PLXNC1: variants seen among roughly 807,000 people sequenced by gnomAD.
PLXNC1 encodes plexin-C1.
Under a neutral mutation model 178.2 loss-of-function variants are expected in PLXNC1, and 75 were observed. The observed-to-expected ratio is 0.42, with a 90% CI of 0.35 to 0.51. The LOEUF (loss-of-function observed/expected upper bound fraction) is 0.51. Among genes scored for constraint, PLXNC1 ranks in the 20% least tolerant of loss-of-function variants. The pLI, the probability that PLXNC1 is intolerant of heterozygous loss-of-function variation, is 0.02. For missense variants in PLXNC1, 1,503 were observed against 1,984.4 expected, an observed-to-expected ratio of 0.76 and a Z score of 4.61; for synonymous variants, 790 against 779.9, an observed-to-expected ratio of 1.01 and a Z score of -0.22.
Position 94,169,150 on chromosome 12 carries a change from C to A in PLXNC1, c.1063-3C>A. 6.2e-7 allele frequency: 1 copy of A among 1,612,202 alleles called. No homozygotes were observed. The highest frequency in any genetic ancestry group is 1.1e-5 in the South Asian group (1 of 90,680). ...TTTTTTGTGCGTTTGTGTGCATGTT[C>A]AGAAAGAAGGGGATCAACCTGAAAG... On this transcript the variant is annotated splice_region_variant and splice_polypyrimidine_tract_variant and intron_variant, in intron 1 of 30. Transcript: ENST00000258526.
chr12:94,199,990 TCA>T (rs1369342177), intron 4 of PLXNC1, among the ~76,000 whole-genome samples: 1 of 152,208 alleles, frequency 6.6e-6, no homozygotes, highest in African/African-American at 2.4e-5. Context: ...AGATGGGGTT[TCA>T]CCATGTTGGC....
At chr12:94,156,708 C>CTTTT (rs936065811) in intron 1 of PLXNC1, among the ~76,000 whole-genome samples, 3 of 143,890 alleles carry the variant, frequency 2.1e-5, no homozygotes, top group Admixed American at 6.9e-5. Flanking sequence ...AACTTTCTTT[C>CTTTT]TTTTTTTTTT....
At chr12:94,237,531 ACT>A in intron 9 of PLXNC1, 131 bp from the exon 10 acceptor site, 1 of 673,306 alleles carries the variant, frequency 1.5e-6, no homozygotes, top group Non-Finnish European at 2.5e-6. Flanking sequence ...TTCATTAAAC[ACT>A]GTCTGCTTGT....
At position 94,259,690 on chromosome 12, in the gene PLXNC1, C is replaced by T. The variant is rs1253901717; in HGVS notation, c.3207C>T (p.Val1069=). ...LICNKSFLVT[V]IHTLEKQKNF... ...GTAATAAAAGCTTTCTTGTTACTGT[C>T]ATCCACACCCTTGAAAAGCAGAAGA... Residue 1069 remains valine, a synonymous_variant, in exon 19 of 31, where the codon GTC becomes GTT. Coordinates refer to ENST00000258526, the MANE Select transcript of PLXNC1 (RefSeq NM_005761.3). The T allele has an allele frequency of 1.9e-6, 3 of 1,612,254 alleles. No individual in the cohort carries two copies. The highest frequency in any genetic ancestry group is 1.3e-5 in the African/African-American group (1 of 74,800).
chr12:94,246,144 G>C (rs1237903023), intron 12 of PLXNC1, among the ~76,000 whole-genome samples: 2 of 152,228 alleles, frequency 1.3e-5, no homozygotes, highest in African/African-American at 4.8e-5. Flanking sequence ...TGAAGTGCTT[G>C]TTGCCGCTGA....
At chr12:94,156,236 A>C (rs1961162352) in intron 1 of PLXNC1, among the ~76,000 whole-genome samples, 1 of 152,214 alleles carries the variant, frequency 6.6e-6, no homozygotes, top group African/African-American at 2.4e-5. Flanking sequence ...ATTACTACTA[A>C]TAGTGTTAGG....
chr12:94,291,972 A>G (rs1269790777), intron 23 of PLXNC1, among the ~76,000 whole-genome samples: 2 of 152,200 alleles, frequency 1.3e-5, no homozygotes, highest in Non-Finnish European at 2.9e-5. Context: ...TCATATCAAT[A>G]GGACCATACA....
Position 94,294,384 on chromosome 12 carries a change from A to T in PLXNC1, c.3880-102A>T, listed in dbSNP as rs1324288644. 6 of 606,968 alleles carry T rather than the reference A, an allele frequency of 9.9e-6. No homozygotes were observed. In the East Asian group the frequency reaches 1.5e-4, roughly 15 times the overall value. 37.6% of individuals were successfully genotyped at this position (606,968 alleles called of 1,614,324 possible). A position where few individuals can be genotyped will look rare whatever the true frequency, so the allele number is the denominator to read the frequency against. On this transcript the variant is annotated intron_variant, in intron 23 of 30. Transcript: ENST00000258526. ...ATTCTTGATAAATATTTGATTTAAT[A>T]AGTGACAGCATGTAAGATCCATCCA...
intron 4 of PLXNC1, among the ~76,000 whole-genome samples, chr12:94,199,715 C>G (rs754342148): frequency 6.6e-6 from 1 of 152,216 alleles, no homozygotes; most frequent in Non-Finnish European, 1.5e-5. Context: ...CCTCTCCACC[C>G]TTGGTGTCCC....
chr12:94,271,726 G>A (rs1965583553), intron 21 of PLXNC1, among the ~76,000 whole-genome samples: 1 of 152,240 alleles, frequency 6.6e-6, no homozygotes, highest in South Asian at 2.1e-4. Context: ...CTGGTGTGAA[G>A]TAGGTGCTCA....
chr12:94,176,880 T>C (rs972832333), intron 2 of PLXNC1, among the ~76,000 whole-genome samples: 56 of 151,932 alleles, frequency 3.7e-4, no homozygotes, highest in African/African-American at 1.7e-4. Flanking sequence ...ACATATTTCA[T>C]ATAACTTTAA....
rs921150793 is a variant in PLXNC1, at chr12:94,186,368, T to C, written c.1339-5T>C. On this transcript the variant is annotated splice_region_variant and splice_polypyrimidine_tract_variant and intron_variant, in intron 3 of 30. Coordinates refer to ENST00000258526, the MANE Select transcript of PLXNC1 (RefSeq NM_005761.3). ...CATCTGAACCATTGTCCTCTTTCCTTTTAGGTGAGGAGAATTCGTGTTGCA... is the reference window on the plus strand; with the variant it reads ...CATCTGAACCATTGTCCTCTTTCCTCTTAGGTGAGGAGAATTCGTGTTGCA... 2.5e-6 allele frequency: 4 copies of C among 1,600,300 alleles called. No individual in the cohort carries two copies. Among genetic ancestry groups the C allele is most frequent in the Non-Finnish European group, 3.4e-6 (4 of 1,167,568 alleles).
At chr12:94,255,145 C>A in intron 16 of PLXNC1, 48 bp from the exon 17 acceptor site, 3 of 1,364,236 alleles carry the variant, frequency 2.2e-6, no homozygotes, top group Non-Finnish European at 3.2e-6. Context: ...AAGATCCTAT[C>A]CATTGTTTGT....
chr12:94,214,971 A>G (rs1378385009), intron 5 of PLXNC1, among the ~76,000 whole-genome samples: 1 of 151,886 alleles, frequency 6.6e-6, no homozygotes, highest in African/African-American at 2.4e-5. Context: ...ATCATGGTTC[A>G]CTGCAACCTC....
At chr12:94,230,352 T>C (rs1289746229) in intron 9 of PLXNC1, among the ~76,000 whole-genome samples, 1 of 152,132 alleles carries the variant, frequency 6.6e-6, no homozygotes, top group Non-Finnish European at 1.5e-5. Context: ...AAGATAAATA[T>C]CATAAAGTCA....
At chr12:94,246,897 C>CA (rs1249164634) in intron 12 of PLXNC1, among the ~76,000 whole-genome samples, 4 of 89,838 alleles carry the variant, frequency 4.5e-5, no homozygotes, top group Non-Finnish European at 6.1e-5. Flanking sequence ...CAGGGGGTGG[C>CA]GGGGGTGGGG....
At chr12:94,213,022 G>A (rs546793044) in intron 5 of PLXNC1, among the ~76,000 whole-genome samples, 67 of 152,214 alleles carry the variant, frequency 4.4e-4, no homozygotes, top group Non-Finnish European at 3.7e-4. Context: ...CCCGGCCTAC[G>A]TGCCACATTT....
At chr12:94,153,343 C>A (rs1445969682) in intron 1 of PLXNC1, among the ~76,000 whole-genome samples, 1 of 152,258 alleles carries the variant, frequency 6.6e-6, no homozygotes, top group African/African-American at 2.4e-5. Context: ...AGAGGGTAAC[C>A]TCAGAAGGCA....
intron 4 of PLXNC1, among the ~76,000 whole-genome samples, chr12:94,205,198 G>T (rs1192342060): frequency 1.3e-5 from 2 of 151,896 alleles, no homozygotes; most frequent in Non-Finnish European, 2.9e-5. Context: ...TTCAGAGGTG[G>T]GCCTCCCTGT....
Sources: gnomAD v4.1 joint callset for allele counts (sites outside exome capture counted in the v4.1 genomes callset) on GRCh38, gnomAD v4.1.1 for gene constraint, MANE v1.5 for transcripts, NCBI Gene and HGNC (gene_info 2026-07-23, HGNC 2026-07-21) for gene names.